Variants in RNF17 observed in about 807,000 individuals in gnomAD.
RNF17 encodes ring finger protein 17, also known as spermatogenesis associated 23.
Under a neutral mutation model 200.5 loss-of-function variants are expected in RNF17, and 31 were observed. The observed-to-expected ratio is 0.15, with a 90% confidence interval of 0.12 to 0.21. The LOEUF (loss-of-function observed/expected upper bound fraction) is 0.21, where lower values mean the gene tolerates loss of function less well. Among genes scored for constraint, RNF17 ranks in the 10% least tolerant of loss-of-function variants. The probability of loss-of-function intolerance (pLI) is 1.00; values close to 1 mark genes in which losing one functional copy is unlikely to be tolerated. For synonymous variants in RNF17, 606 were observed against 637.8 expected (o/e 0.95, Z 0.75); for missense variants, 1,628 against 1,905.1 (o/e 0.85, Z 2.71).
intron 24 of RNF17, among the ~76,000 whole-genome samples, chr13:24,853,312 A>AT (rs1892140227): frequency 6.6e-6 from 1 of 152,112 alleles, no homozygotes; most frequent in Non-Finnish European, 1.5e-5. Context: ...CTAAGATTTT[A>AT]TTTTTTTATA....
At chr13:24,866,082 A>T (rs1893593301) in intron 29 of RNF17, 62 bp from the exon 30 acceptor site, 1 of 899,918 alleles carries the variant, frequency 1.1e-6, no homozygotes, top group African/African-American at 1.7e-5. Context: ...GGGATGAAAT[A>T]TGGAAAGTAC....
At chr13:24,750,984 G>A in the RNF17 span, 1 of 151,980 alleles carries the variant, frequency 6.6e-6, no homozygotes, top group East Asian at 1.9e-4. Flanking sequence ...TGAGGCAAAA[G>A]ATAACAATAA....
chr13:24,749,780 G>A, the RNF17 span, among the ~76,000 whole-genome samples: 1 of 151,858 alleles, frequency 6.6e-6, no homozygotes, highest in Non-Finnish European at 1.5e-5. Flanking sequence ...GATGGAGTCT[G>A]TCTCTTTCGC....
At chr13:24,810,063 A>G (rs953504935) in intron 15 of RNF17, among the ~76,000 whole-genome samples, 2 of 151,310 alleles carry the variant, frequency 1.3e-5, no homozygotes, top group African/African-American at 4.8e-5. Context: ...ACTTCCAAGT[A>G]TGTGGTCAAT....
the RNF17 span, chr13:24,885,765 T>TAAG: frequency 1.1e-6 from 1 of 872,688 alleles, no homozygotes; most frequent in Non-Finnish European, 1.9e-6. Context: ...TCCTGTGAAC[T>TAAG]GCTGTCCTTT....
chr13:24,846,769 A>G (rs973212206), intron 22 of RNF17, among the ~76,000 whole-genome samples: 3 of 152,248 alleles, frequency 2.0e-5, no homozygotes, highest in Non-Finnish European at 4.4e-5. Context: ...CTACATTCAA[A>G]GCTGTCCTGG....
chr13:24,795,040 A>T (rs1884386481), intron 10 of RNF17, among the ~76,000 whole-genome samples: 1 of 152,072 alleles, frequency 6.6e-6, no homozygotes, highest in Admixed American at 6.6e-5. Context: ...CAAAATTTAT[A>T]CTTCTCTCAG....
chr13:24,842,307 A>G (rs1157677829), intron 19 of RNF17, 146 bp downstream of exon 19: 4 of 597,596 alleles, frequency 6.7e-6, no homozygotes, highest in East Asian at 7.0e-5. Context: ...ACCAGAAAAA[A>G]TAGAAAATAA....
At chr13:24,831,818 T>G in intron 17 of RNF17, 40 bp from the exon 18 acceptor site, 1 of 1,563,676 alleles carries the variant, frequency 6.4e-7, no homozygotes, top group Non-Finnish European at 8.6e-7. Flanking sequence ...TAGGTAGAAA[T>G]TAAATTTTTT....
downstream of RNF17, among the ~76,000 whole-genome samples, chr13:24,882,104 CTATA>C (rs1463864793): frequency 1.6e-4 from 3 of 19,000 alleles, no homozygotes; most frequent in African/African-American, 3.9e-4. Context: ...ATAGATACAT[CTATA>C]TAGATATATA....
intron 15 of RNF17, among the ~76,000 whole-genome samples, 170 bp from the exon 16 acceptor site, chr13:24,825,449 C>T (rs1029828734): frequency 6.6e-6 from 1 of 152,092 alleles, no homozygotes; most frequent in Non-Finnish European, 1.5e-5. Flanking sequence ...ATTTTCTATA[C>T]TGGTTCTGCA....
chr13:24,825,927 GTGAATCTATCTTC>G, intron 16 of RNF17, 155 bp downstream of exon 16: 1 of 979,824 alleles, frequency 1.0e-6, no homozygotes, highest in Non-Finnish European at 1.2e-6. Flanking sequence ...ATGTTGAAAG[GTGAATCTATCTTC>G]TGATATTTTG....
intron 6 of RNF17, 71 bp downstream of exon 6, chr13:24,782,015 G>GT: frequency 1.0e-6 from 1 of 990,154 alleles, no homozygotes; most frequent in Non-Finnish European, 1.6e-6. Context: ...GTATTCCTTT[G>GT]TTTAGAATGG....
intron 33 of RNF17, among the ~76,000 whole-genome samples, chr13:24,876,241 T>C (rs1470346834): frequency 6.6e-6 from 1 of 152,216 alleles, no homozygotes; most frequent in East Asian, 1.9e-4. Flanking sequence ...AAGTTTACAT[T>C]TTTTATTTTC....
the RNF17 span, among the ~76,000 whole-genome samples, chr13:24,749,307 C>CTTTCTTTCTTTTTTTTT: frequency 9.3e-6 from 1 of 108,020 alleles, no homozygotes. Context: ...TTCTTTCTTT[C>CTTTCTTTCTTTTTTTTT]TTTTTTTTTT....
intron 3 of RNF17, among the ~76,000 whole-genome samples, chr13:24,775,678 G>C (rs1201965754): frequency 1.3e-5 from 2 of 152,142 alleles, no homozygotes; most frequent in Non-Finnish European, 2.9e-5. Flanking sequence ...TTCCATTGTT[G>C]TATAAGACTT....
chr13:24,880,419 T>TAA (rs933217998), downstream of RNF17, among the ~76,000 whole-genome samples: 1 of 152,214 alleles, frequency 6.6e-6, no homozygotes, highest in African/African-American at 2.4e-5. Context: ...CAAAGCATAT[T>TAA]AAGAGGTGAA....
intron 15 of RNF17, among the ~76,000 whole-genome samples, chr13:24,807,367 T>C (rs945636119): frequency 6.6e-6 from 1 of 151,420 alleles, no homozygotes; most frequent in South Asian, 2.1e-4. Context: ...GGTATCTCAT[T>C]GTGGTTTTGA....
At chr13:24,780,054 C>G (rs1882132840) in intron 5 of RNF17, among the ~76,000 whole-genome samples, 1 of 152,148 alleles carries the variant, frequency 6.6e-6, no homozygotes, top group South Asian at 2.1e-4. Flanking sequence ...TGGCTGTATC[C>G]CCCTTAGTGA....
Sources: gnomAD v4.1 joint callset for allele counts (sites outside exome capture counted in the v4.1 genomes callset) on GRCh38, gnomAD v4.1.1 for gene constraint, MANE v1.5 for transcripts, NCBI Gene and HGNC (gene_info 2026-07-23, HGNC 2026-07-21) for gene names.